Variants in TPH1 observed in about 807,000 individuals in gnomAD.
TPH1 encodes the protein tryptophan hydroxylase 1.
Under a neutral mutation model 49.5 loss-of-function variants are expected in TPH1, and 37 were observed. The ratio of observed to expected loss-of-function variants is 0.75; its 90% CI spans 0.58 to 0.98. The LOEUF is 0.98. TPH1 is among the 50% of genes least tolerant of loss of function. TPH1 has a pLI of 0.00. For synonymous variants in TPH1, 160 were observed against 182.1 expected (o/e 0.88, Z 0.98); for missense variants, 487 against 523.6 (o/e 0.93, Z 0.68).
rs570612938 is a variant in TPH1, at chr11:18,020,394, A to G, written c.*597T>C. On this transcript the variant is annotated 3_prime_UTR_variant, in exon 11 of 11. Transcript: ENST00000682019. ...TACTCCCATTTCCCTACAAGATACT[A>G]CACTTGAAACTAGACTACTTGCTCT... 1 of 155,154 alleles carries G rather than the reference A, an allele frequency of 6.4e-6. No homozygotes were observed. The highest frequency in any genetic ancestry group is 2.0e-4 in the South Asian group (1 of 5,020). 9.6% of individuals were successfully genotyped at this position (155,154 alleles called of 1,614,324 possible).
rs1430830857 is a variant in TPH1 at position 18,033,717 on chromosome 11, C to T, written c.302-343G>A. Among the ~76,000 whole-genome samples, 3 of 152,168 alleles carry T rather than the reference C, an allele frequency of 2.0e-5. No homozygotes were observed. In the East Asian group the frequency reaches 5.8e-4, roughly 29 times the overall value. On this transcript the variant is annotated intron_variant, in intron 3 of 10. Transcript: ENST00000682019. ...GAATAAAGATGCACAACTTTATTTA[C>T]AGACCAAGGTACAAACTTAATAAAA...
rs1854338830 is a variant in TPH1 at position 18,019,968 on chromosome 11, T to C, written c.*1023A>G. 1 of 334,446 alleles carries C rather than the reference T, an allele frequency of 3.0e-6. No individual in the cohort carries two copies. Among genetic ancestry groups the C allele is most frequent in the South Asian group, 2.4e-5 (1 of 41,334 alleles). 20.7% of individuals were successfully genotyped at this position (334,446 alleles called of 1,614,324 possible). On this transcript the variant is annotated 3_prime_UTR_variant, in exon 11 of 11. Transcript: ENST00000682019. ...TTCTGCAGCCTCTACTCTCATTGCA[T>C]ACCTTTCTGTTTATGGCCTCACCTT...
Position 18,040,733 on chromosome 11 carries a change from G to C in TPH1, c.30C>G (p.Asp10Glu). 6.2e-7 allele frequency: 1 copy of C among 1,612,036 alleles called. No individual in the cohort carries two copies. The highest frequency in any genetic ancestry group is 2.2e-5 in the East Asian group (1 of 44,800). Residue 10 changes from aspartate (D) to glutamate (E), a missense_variant, in exon 2 of 11, where the codon GAC (aspartate) becomes GAG (glutamate). Asp to Glu is a conservative substitution (Grantham distance 45). Transcript: ENST00000682019. MIEDNKENKDHSLERGRASL... is the reference protein window; with the variant it reads MIEDNKENKEHSLERGRASL... The stretch of plus-strand genomic sequence containing the variant: ...TTGCTCTTCCCCTTTCTAAGGAATG[G>C]TCTTTGTTCTCCTTATTGTCTTCAA...
At chr11:18,032,537 C>CT (rs34366393) in intron 4 of TPH1, among the ~76,000 whole-genome samples, 2,233 of 86,366 alleles carry the variant, frequency 0.026, 330 homozygotes, top group African/African-American at 0.075. Context: ...TTGTTGAAAT[C>CT]TTTTTTTTTT....
At chr11:18,029,131 C>A (rs757004035) in intron 6 of TPH1, 34 bp downstream of exon 6, 1 of 1,263,066 alleles carries the variant, frequency 7.9e-7, no homozygotes, top group Non-Finnish European at 1.2e-6. Flanking sequence ...CAGAGTTCAG[C>A]AACTCCCTTA....
intron 3 of TPH1, among the ~76,000 whole-genome samples, chr11:18,033,722 C>G (rs1848015591): frequency 6.6e-6 from 1 of 152,098 alleles, no homozygotes; most frequent in Non-Finnish European, 1.5e-5. Context: ...ATTTACAGAC[C>G]AAGGTACAAA....
At chr11:18,026,401 A>AAT (rs1565235590) in intron 7 of TPH1, 89 bp downstream of exon 7, 1 of 1,090,578 alleles carries the variant, frequency 9.2e-7, no homozygotes, top group Non-Finnish European at 1.3e-6. Flanking sequence ...ACCAAAAAAA[A>AAT]AAAAAAAAAA....
chr11:18,034,540 G>A (rs1564858528), intron 3 of TPH1, among the ~76,000 whole-genome samples: 1 of 152,200 alleles, frequency 6.6e-6, no homozygotes, highest in Non-Finnish European at 1.5e-5. Flanking sequence ...GAGGCTTCAG[G>A]CATGGTGAGG....
intron 4 of TPH1, among the ~76,000 whole-genome samples, chr11:18,030,430 A>AAAAAATC (rs1005642869): frequency 2.0e-5 from 3 of 151,984 alleles, no homozygotes; most frequent in African/African-American, 4.8e-5. Context: ...TTGAAAAAAA[A>AAAAAATC]AAAAATCAAA....
Position 18,033,301 on chromosome 11 carries a change from A to C in TPH1, c.375T>G (p.Tyr125Ter), listed in dbSNP as rs749236637. 6.2e-7 allele frequency: 1 copy of C among 1,614,066 alleles called. No homozygotes were observed. Among genetic ancestry groups the C allele is most frequent in the African/African-American group, 1.3e-5 (1 of 75,060 alleles). Residue 125 changes from tyrosine (Y) to a stop codon, truncating the protein, a stop_gained, in exon 4 of 11, where the codon TAT becomes TAG. Coordinates refer to ENST00000682019, the MANE Select transcript of TPH1 (RefSeq NM_004179.3). LOFTEE classifies it high-confidence loss of function. ...LDHCANRVLM[Y>*]GSELDADHPG... ...GATGGTCTGCATCTAGTTCAGATCCATACATCAGAACTCTGTTGGCACAAT... is the reference window on the plus strand; with the variant it reads ...GATGGTCTGCATCTAGTTCAGATCCCTACATCAGAACTCTGTTGGCACAAT...
intron 4 of TPH1, among the ~76,000 whole-genome samples, chr11:18,031,014 T>C (rs930351376): frequency 9.9e-5 from 15 of 152,180 alleles, no homozygotes; most frequent in Non-Finnish European, 1.6e-4. Context: ...CATTCAGTGG[T>C]TTTTAGATAG....
At position 18,036,058 on chromosome 11, in the gene TPH1, T is replaced by TG; in HGVS notation, c.201dup (p.Ile68HisfsTer8). On this transcript the variant is annotated frameshift_variant, in exon 3 of 11. Transcript: ENST00000682019. LOFTEE classifies it high-confidence loss of function. ...ATATCATTCAATTGTTCTCTGTTGA[T>TG]GTCACAGTCAACAAAAATCTCAAAT... 6.2e-7 allele frequency: 1 copy of TG among 1,612,500 alleles called. No individual in the cohort carries two copies. The highest frequency in any genetic ancestry group is 1.3e-5 in the African/African-American group (1 of 75,016).
At chr11:18,034,158 C>A (rs1416121551) in intron 3 of TPH1, among the ~76,000 whole-genome samples, 1 of 152,154 alleles carries the variant, frequency 6.6e-6, no homozygotes, top group Non-Finnish European at 1.5e-5. Context: ...CTTTTTGTAT[C>A]CCTATTTTTT....
intron 6 of TPH1, 94 bp from the exon 7 acceptor site, chr11:18,026,719 T>C: frequency 6.9e-7 from 1 of 1,458,334 alleles, no homozygotes; most frequent in Non-Finnish European, 9.6e-7. Flanking sequence ...AGTAACACGT[T>C]GATGGAAGGC....
chr11:18,027,072 C>T (rs576499946), intron 6 of TPH1, among the ~76,000 whole-genome samples: 6 of 152,300 alleles, frequency 3.9e-5, no homozygotes, highest in Non-Finnish European at 5.9e-5. Flanking sequence ...TAAATCAGAA[C>T]GATTTTTGAA....
At chr11:18,040,906 C>A in intron 1 of TPH1, 118 bp from the exon 2 acceptor site, 1 of 948,468 alleles carries the variant, frequency 1.1e-6, no homozygotes, top group South Asian at 1.6e-5. Flanking sequence ...TTTTATAAAA[C>A]CTGGATATGC....
intron 9 of TPH1, 93 bp from the exon 10 acceptor site, chr11:18,023,024 T>A: frequency 7.5e-7 from 1 of 1,330,064 alleles, no homozygotes; most frequent in Non-Finnish European, 1.1e-6. Context: ...AACATATTAC[T>A]AATGCAATGG....
Position 18,019,991 on chromosome 11 carries a change from C to G in TPH1, c.*1000G>C. The G allele has an allele frequency of 3.5e-6, 1 of 282,322 alleles. No individual in the cohort carries two copies. The highest frequency in any genetic ancestry group is 9.9e-5 in the East Asian group (1 of 10,070). 17.5% of individuals were successfully genotyped at this position (282,322 alleles called of 1,614,324 possible). ...CATACCTTTCTGTTTATGGCCTCAC[C>G]TTATACCTTAGAAATAAAGTACTCA... On this transcript the variant is annotated 3_prime_UTR_variant, in exon 11 of 11. Transcript: ENST00000682019.
At chr11:18,042,393 T>G (rs565050044) in intron 1 of TPH1, 33 of 454,808 alleles carry the variant, frequency 7.3e-5, no homozygotes, top group Admixed American at 5.9e-4. Context: ...AGATTGACTT[T>G]TCTTATCAAA....
Sources: gnomAD v4.1 joint callset for allele counts (sites outside exome capture counted in the v4.1 genomes callset) on GRCh38, gnomAD v4.1.1 for gene constraint, MANE v1.5 for transcripts, NCBI Gene and HGNC (gene_info 2026-07-23, HGNC 2026-07-21) for gene names.